Variants in CACNA2D1 observed in about 807,000 individuals in gnomAD.
CACNA2D1 encodes voltage-dependent calcium channel subunit alpha-2/delta-1.
Under a neutral mutation model 171.5 loss-of-function variants are expected in CACNA2D1, and 53 were observed. That is an observed-to-expected ratio of 0.31 (90% confidence interval 0.25 to 0.39). The LOEUF is 0.39. Ranked by LOEUF, CACNA2D1 falls within the 10% of genes least tolerant of loss-of-function variation. The pLI is 1.00. For missense variants in CACNA2D1, 903 were observed against 1,299.8 expected (o/e 0.69, Z 4.69); for synonymous variants, 442 against 443.1 (o/e 1.00, Z 0.03).
chr7:82,130,897 C>T (rs1394468310), intron 5 of CACNA2D1, among the ~76,000 whole-genome samples: 5 of 149,624 alleles, frequency 3.3e-5, no homozygotes, highest in Middle Eastern at 3.4e-3. Flanking sequence ...CCCGGGTTCA[C>T]GCTACTCTCC....
chr7:82,305,355 G>A (rs1813586583), intron 3 of CACNA2D1, among the ~76,000 whole-genome samples: 1 of 152,180 alleles, frequency 6.6e-6, no homozygotes, highest in Non-Finnish European at 1.5e-5. Flanking sequence ...TGGCTATTCA[G>A]AGGGTCTACA....
At position 81,991,177 on chromosome 7, in the gene CACNA2D1, T is replaced by C. The variant is rs200882576; in HGVS notation, c.1796+8A>G. ...AATACACAATACACATAAAATACAG[T>C]TAATTACCTGTAATCTGTGCCATTG... On this transcript the variant is annotated splice_region_variant and intron_variant, in intron 21 of 38. Transcript: ENST00000356860. The C allele has an allele frequency of 5.8e-5, 75 of 1,304,042 alleles. No homozygotes were observed. The highest frequency in any genetic ancestry group is 7.9e-5 in the Non-Finnish European group (71 of 897,562). 80.8% of individuals were successfully genotyped at this position (1,304,042 alleles called of 1,614,324 possible). A position where few individuals can be genotyped will look rare whatever the true frequency, so the allele number is the denominator to read the frequency against.
rs79449619 is a variant in CACNA2D1, at chr7:82,385,277, G to A, written c.96-35628C>T. On this transcript the variant is annotated intron_variant, in intron 1 of 38. Coordinates refer to ENST00000356860, the MANE Select transcript of CACNA2D1 (RefSeq NM_000722.4). ...AAAGTTCAGAATGTCAAATTGAAAT[G>A]GATCATAACTTACTACAGAAGGAAT... Among the ~76,000 whole-genome samples, 789 of 152,300 alleles carry A rather than the reference G, an allele frequency of 5.2e-3. 13 individuals are homozygous for A. The highest frequency in any genetic ancestry group is 0.018 in the African/African-American group (764 of 41,578).
intron 6 of CACNA2D1, among the ~76,000 whole-genome samples, chr7:82,099,419 CTTCT>C (rs1812354012): frequency 2.0e-5 from 1 of 50,532 alleles, no homozygotes; most frequent in Non-Finnish European, 4.4e-5. Flanking sequence ...GTAGCAATAC[CTTCT>C]TTTTTTTTTT....
intron 10 of CACNA2D1, chr7:82,050,459 C>A: frequency 1.6e-6 from 1 of 643,822 alleles, no homozygotes; most frequent in Non-Finnish European, 2.8e-6. Flanking sequence ...GGGTCACCTG[C>A]ATAGGTAGTG....
intron 5 of CACNA2D1, 34 bp downstream of exon 5, chr7:82,136,601 T>C: frequency 6.6e-7 from 1 of 1,516,380 alleles, no homozygotes; most frequent in Non-Finnish European, 9.1e-7. Flanking sequence ...ACTATAATTT[T>C]CTTGGAATTT....
Position 82,044,697 on chromosome 7 carries a change from T to C in CACNA2D1, c.880-6462A>G, listed in dbSNP as rs76075235. Among the ~76,000 whole-genome samples the C allele has an allele frequency of 3.3e-5, 5 of 152,244 alleles. No homozygotes were observed. In the East Asian group the frequency reaches 9.7e-4, roughly 29 times the overall value. On this transcript the variant is annotated intron_variant, in intron 10 of 38. Coordinates refer to ENST00000356860, the MANE Select transcript of CACNA2D1 (RefSeq NM_000722.4). The stretch of plus-strand genomic sequence containing the variant: ...CCACATTTTGGCCACCAGATGGCAA[T>C]GCAGGAAAATAAAAGGAAAATGACC...
At chr7:82,107,550 C>A (rs1321229698) in intron 6 of CACNA2D1, among the ~76,000 whole-genome samples, 1 of 149,512 alleles carries the variant, frequency 6.7e-6, no homozygotes, top group Admixed American at 6.7e-5. Flanking sequence ...AACACTAACA[C>A]AAATTTGGAA....
chr7:81,950,589 A>G, intron 38 of CACNA2D1, 81 bp from the exon 39 acceptor site: 1 of 1,513,856 alleles, frequency 6.6e-7, no homozygotes, highest in Non-Finnish European at 8.8e-7. Flanking sequence ...CATCTTTCAG[A>G]GTAATCCATA....
intron 3 of CACNA2D1, among the ~76,000 whole-genome samples, chr7:82,273,435 ATTAT>A (rs1220951509): frequency 6.6e-6 from 1 of 151,242 alleles, no homozygotes; most frequent in African/African-American, 2.4e-5. Context: ...TATTTTATAT[ATTAT>A]TTATTATGTA....
At chr7:82,251,334 C>G (rs547371783) in intron 3 of CACNA2D1, among the ~76,000 whole-genome samples, 6 of 152,204 alleles carry the variant, frequency 3.9e-5, no homozygotes, top group African/African-American at 1.4e-4. Context: ...CAAAAAGAGA[C>G]ACAAAACTAT....
At chr7:82,406,054 G>A (rs903178427) in intron 1 of CACNA2D1, among the ~76,000 whole-genome samples, 8 of 151,158 alleles carry the variant, frequency 5.3e-5, no homozygotes, top group African/African-American at 1.7e-4. Flanking sequence ...CCAACCCTAC[G>A]ACAGGCCCCG....
At chr7:82,366,877 C>T (rs1037598884) in intron 1 of CACNA2D1, among the ~76,000 whole-genome samples, 1 of 142,300 alleles carries the variant, frequency 7.0e-6, no homozygotes, top group African/African-American at 2.5e-5. Context: ...TCCTCCACAG[C>T]CCTGCCAGCA....
intron 4 of CACNA2D1, among the ~76,000 whole-genome samples, chr7:82,158,947 T>C (rs903935890): frequency 1.3e-5 from 2 of 151,884 alleles, no homozygotes; most frequent in African/African-American, 4.8e-5. Flanking sequence ...CATGTGCAAA[T>C]GGTAACTTTA....
chr7:82,013,424 G>T, intron 14 of CACNA2D1, 37 bp downstream of exon 14: 4 of 925,820 alleles, frequency 4.3e-6, no homozygotes, highest in Non-Finnish European at 4.6e-6. Context: ...TCTTTTACTT[G>T]AAAAAAATAA....
At chr7:81,996,578 T>C (rs1285348534) in intron 19 of CACNA2D1, among the ~76,000 whole-genome samples, 1 of 151,904 alleles carries the variant, frequency 6.6e-6, no homozygotes, top group South Asian at 2.1e-4. Flanking sequence ...ACAGATATTA[T>C]AATTTGAAAT....
chr7:82,012,393 T>G, intron 14 of CACNA2D1, 150 bp from the exon 15 acceptor site: 1 of 640,294 alleles, frequency 1.6e-6, no homozygotes, highest in Non-Finnish European at 2.8e-6. Flanking sequence ...ATTTCTATTT[T>G]GGGTACTCCA....
At chr7:82,122,428 A>C (rs1365528862) in intron 5 of CACNA2D1, among the ~76,000 whole-genome samples, 2 of 152,198 alleles carry the variant, frequency 1.3e-5, no homozygotes, top group African/African-American at 4.8e-5. Context: ...TTGCATGATG[A>C]ATAAATTTAG....
intron 3 of CACNA2D1, among the ~76,000 whole-genome samples, chr7:82,181,044 T>TTTTTTTTTTTTTTTG (rs1797083459): frequency 1.9e-5 from 1 of 52,706 alleles, no homozygotes; most frequent in Non-Finnish European, 3.8e-5. Context: ...ATGTCGGATT[T>TTTTTTTTTTTTTTTG]TTTTTTTTTT....
Sources: gnomAD v4.1 joint callset for allele counts (sites outside exome capture counted in the v4.1 genomes callset) on GRCh38, gnomAD v4.1.1 for gene constraint, MANE v1.5 for transcripts, NCBI Gene and HGNC (gene_info 2026-07-23, HGNC 2026-07-21) for gene names.